Variants in NME7 observed in about 807,000 individuals in gnomAD.
NME7 encodes nucleoside diphosphate kinase 7.
A neutral mutation model predicts 49.1 loss-of-function variants in NME7; 41 were observed. The observed-to-expected ratio is 0.83, with a 90% CI of 0.65 to 1.08. The LOEUF (loss-of-function observed/expected upper bound fraction) is 1.08, where lower values mean the gene tolerates loss of function less well. Among genes scored for constraint, NME7 ranks in the 50% least tolerant of loss-of-function variants. The probability of loss-of-function intolerance (pLI) is 0.00; values close to 1 mark genes in which losing one functional copy is unlikely to be tolerated. For missense variants in NME7, 423 were observed against 463.4 expected, an observed-to-expected ratio of 0.91 and a Z score of 0.80; for synonymous variants, 139 against 150.6, an observed-to-expected ratio of 0.92 and a Z score of 0.56.
At chr1:169,301,432 C>T (rs1650936025) in intron 5 of NME7, among the ~76,000 whole-genome samples, 1 of 151,888 alleles carries the variant, frequency 6.6e-6, no homozygotes, top group African/African-American at 2.4e-5. Flanking sequence ...AACATGCTGG[C>T]AAGACTATAG....
At chr1:169,193,338 T>C (rs1660288104) in intron 10 of NME7, among the ~76,000 whole-genome samples, 1 of 152,148 alleles carries the variant, frequency 6.6e-6, no homozygotes, top group African/African-American at 2.4e-5. Flanking sequence ...ATTGTTTCAC[T>C]GCGATATAAA....
At chr1:169,196,711 A>G (rs1043866325) in intron 10 of NME7, among the ~76,000 whole-genome samples, 2 of 152,188 alleles carry the variant, frequency 1.3e-5, no homozygotes, top group African/African-American at 2.4e-5. Context: ...GTAATACTGC[A>G]GAGGCTGGTG....
chr1:169,298,234 A>C (rs551691578), intron 6 of NME7, among the ~76,000 whole-genome samples: 4 of 152,182 alleles, frequency 2.6e-5, no homozygotes, highest in African/African-American at 9.6e-5. Flanking sequence ...TTTAATATCT[A>C]CTAGCCATAA....
Position 169,272,376 on chromosome 1 carries a change from C to T in NME7, c.754+14927G>A, listed in dbSNP as rs574294928. On this transcript the variant is annotated intron_variant, in intron 7 of 11. Coordinates refer to ENST00000367811, the MANE Select transcript of NME7 (RefSeq NM_013330.5). ...AAATGTGTGCTATGGTGGTTTGCTG[C>T]ACATATCAACTCATTATCTAGGTAT... Among the ~76,000 whole-genome samples, 86 of 131,750 alleles carry T rather than the reference C, an allele frequency of 6.5e-4. 21 individuals are homozygous for T. The highest frequency in any genetic ancestry group is 1.9e-3 in the Admixed American group (25 of 13,282). 86.4% of individuals were successfully genotyped at this position (131,750 alleles called of 152,430 possible).
chr1:169,336,114 A>G (rs1652458509), intron 1 of NME7, among the ~76,000 whole-genome samples: 2 of 151,612 alleles, frequency 1.3e-5, no homozygotes, highest in South Asian at 2.1e-4. Flanking sequence ...TCAGGAGTGA[A>G]GCTGCAGACC....
intron 7 of NME7, among the ~76,000 whole-genome samples, chr1:169,247,790 T>C (rs1197115281): frequency 6.6e-6 from 1 of 152,152 alleles, no homozygotes; most frequent in Non-Finnish European, 1.5e-5. Flanking sequence ...TCTAGCTCCA[T>C]CCAAGTTACT....
chr1:169,360,887 A>G (rs1653629243), intron 1 of NME7, among the ~76,000 whole-genome samples: 1 of 152,192 alleles, frequency 6.6e-6, no homozygotes, highest in Non-Finnish European at 1.5e-5. Context: ...GAAAAAAACA[A>G]TTAAAGAGTT....
At chr1:169,152,845 C>G (rs1383414520) in intron 11 of NME7, among the ~76,000 whole-genome samples, 2 of 152,102 alleles carry the variant, frequency 1.3e-5, no homozygotes, top group African/African-American at 2.4e-5. Flanking sequence ...AGTCACTTCC[C>G]TGTTCAAAAA....
At chr1:169,164,141 G>A (rs1319716869) in intron 11 of NME7, among the ~76,000 whole-genome samples, 1 of 151,864 alleles carries the variant, frequency 6.6e-6, no homozygotes, top group Non-Finnish European at 1.5e-5. Flanking sequence ...GAATCTCTGG[G>A]GGTGAGTCTG....
intron 11 of NME7, among the ~76,000 whole-genome samples, chr1:169,159,098 C>A (rs905541605): frequency 6.6e-6 from 1 of 152,046 alleles, no homozygotes; most frequent in Non-Finnish European, 1.5e-5. Context: ...AAAATCATAA[C>A]CTGAAGCTGT....
At position 169,246,739 on chromosome 1, in the gene NME7, C is replaced by G. The variant is rs1648333893; in HGVS notation, c.755-9052G>C. ...GACTACAGGCATGTGCCACCATGCC[C>G]AGCTAATTATTAAAAATTATTTGTA... On this transcript the variant is annotated intron_variant, in intron 7 of 11. Coordinates refer to ENST00000367811, the MANE Select transcript of NME7 (RefSeq NM_013330.5). Among the ~76,000 whole-genome samples, 2 of 152,064 alleles carry G rather than the reference C, an allele frequency of 1.3e-5. 1 individual carries two copies. The highest frequency in any genetic ancestry group is 4.1e-4 in the South Asian group (2 of 4,826).
intron 1 of NME7, among the ~76,000 whole-genome samples, chr1:169,355,781 A>G (rs1389793774): frequency 2.0e-5 from 3 of 152,020 alleles, no homozygotes; most frequent in Non-Finnish European, 2.9e-5. Context: ...TTTTTTTTCC[A>G]TAACACTTAT....
intron 10 of NME7, among the ~76,000 whole-genome samples, chr1:169,221,815 A>G (rs1003530383): frequency 1.2e-4 from 18 of 151,910 alleles, no homozygotes; most frequent in Admixed American, 5.9e-4. Context: ...GCCTTAACCT[A>G]TTACAGGCAT....
rs113465353 is a variant in NME7 at position 169,248,886 on chromosome 1, A to AGAATTT, written c.755-11200_755-11199insAAATTC. On this transcript the variant is annotated intron_variant, in intron 7 of 11. Transcript: ENST00000367811. ...ATTTTTGTAACTACAGCCTTGTGGCAAACATCTGATAATGTGATGCCTCTA... is the reference window on the plus strand; with the variant it reads ...ATTTTTGTAACTACAGCCTTGTGGCAGAATTTAACATCTGATAATGTGATGCCTCTA... 0.055 allele frequency among the ~76,000 whole-genome samples: 8,323 copies of AGAATTT among 151,662 alleles called. 1,354 individuals are homozygous for AGAATTT. The East Asian group carries it at 0.66, about 12-fold the overall frequency.
chr1:169,337,360 C>T (rs972344038), intron 1 of NME7, among the ~76,000 whole-genome samples: 17 of 152,172 alleles, frequency 1.1e-4, no homozygotes, highest in African/African-American at 4.1e-4. Flanking sequence ...CAGGGCTGGC[C>T]GACTGCTCCC....
chr1:169,192,480 G>A (rs926273608), intron 10 of NME7, among the ~76,000 whole-genome samples: 1 of 152,086 alleles, frequency 6.6e-6, no homozygotes, highest in South Asian at 2.1e-4. Flanking sequence ...AGGAAGATGT[G>A]CATAGATCAT....
chr1:169,320,390 A>G (rs1041445095), intron 3 of NME7, among the ~76,000 whole-genome samples: 9 of 152,164 alleles, frequency 5.9e-5, no homozygotes, highest in Non-Finnish European at 8.8e-5. Context: ...CTGCTCCCCA[A>G]TTAGCTGATA....
At chr1:169,170,604 A>G (rs1474265417) in intron 10 of NME7, among the ~76,000 whole-genome samples, 4 of 152,112 alleles carry the variant, frequency 2.6e-5, no homozygotes, top group African/African-American at 9.7e-5. Context: ...TTTTCTAGCA[A>G]GTAAGTATCC....
rs552680571 is a variant in NME7, at chr1:169,328,185, A to G, written c.4-3685T>C. Reference sequence around the variant, plus strand: ...TTAAAGAGAAGATCCAGGAAACTATAAAGGGGTTTTTTGGAGGGGGGGATT... The same window carrying G: ...TTAAAGAGAAGATCCAGGAAACTATGAAGGGGTTTTTTGGAGGGGGGGATT... On this transcript the variant is annotated intron_variant, in intron 1 of 11. Coordinates refer to ENST00000367811, the MANE Select transcript of NME7 (RefSeq NM_013330.5). Among the ~76,000 whole-genome samples the G allele has an allele frequency of 5.6e-4, 85 of 152,228 alleles. No individual in the cohort carries two copies. In the South Asian group the frequency reaches 0.017, roughly 31 times the overall value.
Sources: allele counts gnomAD v4.1 joint callset (sites outside exome capture counted in the v4.1 genomes callset), GRCh38; gene constraint gnomAD v4.1.1; transcripts MANE v1.5; gene names NCBI Gene and HGNC (gene_info 2026-07-23, HGNC 2026-07-21).